The following RIMBP2 variants were observed in gnomAD, a reference collection of about 807,000 sequenced individuals.
RIMBP2 encodes RIMS-binding protein 2.
Under a neutral mutation model 118.6 loss-of-function variants are expected in RIMBP2, and 48 were observed. The observed-to-expected ratio is 0.40, with a 90% CI of 0.32 to 0.51. RIMBP2 has a LOEUF of 0.51. Ranked by LOEUF, RIMBP2 falls within the 20% of genes least tolerant of loss-of-function variation. The pLI is 0.41. For missense variants in RIMBP2, 1,551 were observed against 1,768.3 expected (o/e 0.88, Z 2.20); for synonymous variants, 762 against 742.9 (o/e 1.03, Z -0.42).
intron 2 of RIMBP2, among the ~76,000 whole-genome samples, chr12:130,533,605 G>A (rs1034421859): frequency 1.3e-5 from 2 of 152,150 alleles, no homozygotes; most frequent in African/African-American, 2.4e-5. Context: ...AGACACCTGC[G>A]CTCATGTGTT....
chr12:130,412,893 TAG>T, intron 18 of RIMBP2, 106 bp from the exon 19 acceptor site: 1 of 1,093,360 alleles, frequency 9.1e-7, no homozygotes, highest in Non-Finnish European at 1.3e-6. Flanking sequence ...ATTTTAAATA[TAG>T]TTTAAAAATA....
intron 2 of RIMBP2, among the ~76,000 whole-genome samples, chr12:130,600,723 A>G (rs1365515865): frequency 6.6e-6 from 1 of 152,192 alleles, no homozygotes; most frequent in African/African-American, 2.4e-5. Context: ...AGCTTGTGAT[A>G]AGCCCCCTCA....
intron 10 of RIMBP2, among the ~76,000 whole-genome samples, chr12:130,443,978 C>G (rs568039234): frequency 1.3e-5 from 2 of 152,154 alleles, no homozygotes; most frequent in East Asian, 3.9e-4. Flanking sequence ...TGAGGCACAG[C>G]GAGGTGAAGG....
intron 2 of RIMBP2, among the ~76,000 whole-genome samples, chr12:130,546,584 C>T (rs193212314): frequency 2.8e-4 from 43 of 152,254 alleles, no homozygotes; most frequent in Admixed American, 1.2e-3. Flanking sequence ...GCTGAGCCAC[C>T]GTGCCCAGTC....
At position 130,407,351 on chromosome 12, in the gene RIMBP2, A is replaced by G. The variant is rs144019904; in HGVS notation, c.3693+375T>C. ...TCACTGGTTTCCTCTCTACTGTTCT[A>G]TGTGTGGGGCCTGACTGCTTTGCTT... On this transcript the variant is annotated intron_variant, in intron 20 of 22. Coordinates refer to ENST00000690449, the MANE Select transcript of RIMBP2 (RefSeq NM_001393629.1). Among the ~76,000 whole-genome samples the G allele has an allele frequency of 7.6e-3, 1,164 of 152,220 alleles. 12 individuals carry two copies. Among genetic ancestry groups the G allele is most frequent in the Non-Finnish European group, 0.011 (777 of 68,012 alleles).
intron 2 of RIMBP2, among the ~76,000 whole-genome samples, chr12:130,601,421 T>C (rs1421342703): frequency 1.3e-5 from 2 of 150,560 alleles, no homozygotes; most frequent in Non-Finnish European, 3.0e-5. Flanking sequence ...GCCTCTGGGT[T>C]GTGGTATATC....
At chr12:130,491,614 G>A (rs2048646967) in intron 4 of RIMBP2, among the ~76,000 whole-genome samples, 1 of 152,198 alleles carries the variant, frequency 6.6e-6, no homozygotes, top group Admixed American at 6.5e-5. Flanking sequence ...GCAGCTAGGA[G>A]TCTCTCGGTT....
At chr12:130,649,972 A>G (rs2063159554) in intron 1 of RIMBP2, among the ~76,000 whole-genome samples, 1 of 152,012 alleles carries the variant, frequency 6.6e-6, no homozygotes, top group Non-Finnish European at 1.5e-5. Flanking sequence ...TTCAACAGGA[A>G]CAAGCGGTAC....
chr12:130,707,648 C>A (rs1219295783), intron 1 of RIMBP2, among the ~76,000 whole-genome samples: 2 of 152,110 alleles, frequency 1.3e-5, no homozygotes, highest in African/African-American at 4.8e-5. Flanking sequence ...TGAGCCGTTT[C>A]CAACAGGAGC....
intron 2 of RIMBP2, among the ~76,000 whole-genome samples, chr12:130,606,670 G>A (rs761809541): frequency 1.3e-5 from 2 of 152,092 alleles, no homozygotes; most frequent in African/African-American, 4.8e-5. Context: ...TGGAGCAAGC[G>A]GTAGAGATCA....
intron 2 of RIMBP2, among the ~76,000 whole-genome samples, chr12:130,615,639 A>C (rs1172879491): frequency 6.6e-6 from 1 of 150,696 alleles, no homozygotes; most frequent in African/African-American, 2.4e-5. Context: ...AAACCAACAA[A>C]CCCCCCAAGG....
Position 130,434,662 on chromosome 12 carries a change from CTT to C in RIMBP2, c.2253+70_2253+71del. On this transcript the variant is annotated intron_variant, in intron 14 of 22. Transcript: ENST00000690449. The surrounding 1 kb of genome is among the most constrained non-coding windows in gnomAD (Gnocchi z 5.7). The stretch of plus-strand genomic sequence containing the variant: ...GGTAGCGGGGAAAGTGCCCATGTCT[CTT>C]GATCTCCACGGGGCCCGCTCCGAGC... 1 of 1,495,418 alleles carries C rather than the reference CTT, an allele frequency of 6.7e-7. No homozygotes were observed. The allele number at this position is 1,495,418 out of a possible 1,614,324, so 92.6% of individuals were successfully genotyped here.
rs11287921 is a variant in RIMBP2, at chr12:130,446,019, T to TCCC, written c.582-753_582-751dup. ...GAAAAACAGACGCATGATTTTATGC[T>TCCC]CCCCCCCCCCACACCCCCAGGAATA... On this transcript the variant is annotated intron_variant, in intron 9 of 22. Transcript: ENST00000690449. This position sits in a 1 kb window ranked among gnomAD's most constrained non-coding sequence, Gnocchi z 4.1. 1.4e-3 allele frequency among the ~76,000 whole-genome samples: 153 copies of TCCC among 112,740 alleles called. 2 individuals are homozygous for TCCC. In the South Asian group the frequency reaches 0.022, roughly 16 times the overall value. 74.0% of individuals were successfully genotyped at this position (112,740 alleles called of 152,430 possible). A position where few individuals can be genotyped will look rare whatever the true frequency, so the allele number is the denominator to read the frequency against.
intron 1 of RIMBP2, among the ~76,000 whole-genome samples, chr12:130,689,383 A>G (rs1260966361): frequency 6.6e-6 from 1 of 152,232 alleles, no homozygotes; most frequent in Non-Finnish European, 1.5e-5. Context: ...CAGTGAGCCA[A>G]GATCGCTCCA....
At chr12:130,441,216 C>G (rs2078094187) in intron 11 of RIMBP2, among the ~76,000 whole-genome samples, 1 of 151,990 alleles carries the variant, frequency 6.6e-6, no homozygotes, top group South Asian at 2.1e-4. Context: ...GCCTGACCAA[C>G]ATGGTGAAAC....
At chr12:130,480,952 C>T (rs888470273) in intron 4 of RIMBP2, among the ~76,000 whole-genome samples, 3 of 152,210 alleles carry the variant, frequency 2.0e-5, no homozygotes, top group East Asian at 1.9e-4. Flanking sequence ...CTGTAGCCTT[C>T]GCAAGTCATG....
At chr12:130,700,243 C>T (rs2065792381) in intron 1 of RIMBP2, among the ~76,000 whole-genome samples, 1 of 152,102 alleles carries the variant, frequency 6.6e-6, no homozygotes, top group Admixed American at 6.5e-5. Context: ...GCCCCAGGCC[C>T]GCAACAGCCA....
intron 4 of RIMBP2, among the ~76,000 whole-genome samples, chr12:130,493,060 G>A (rs914817275): frequency 6.6e-5 from 10 of 152,228 alleles, no homozygotes; most frequent in East Asian, 3.9e-4. Context: ...TGGCTTGGGC[G>A]CAGGAGGCGG....
chr12:130,589,484 G>A (rs1291023773), intron 2 of RIMBP2, among the ~76,000 whole-genome samples: 2 of 152,224 alleles, frequency 1.3e-5, no homozygotes, highest in Non-Finnish European at 2.9e-5. Flanking sequence ...AATCTTTGCT[G>A]GAGGATAGGG....
Sources: allele counts gnomAD v4.1 joint callset (sites outside exome capture counted in the v4.1 genomes callset), GRCh38; gene constraint gnomAD v4.1.1; non-coding constraint Gnocchi (gnomAD v3.1); transcripts MANE v1.5; gene names NCBI Gene and HGNC (gene_info 2026-07-23, HGNC 2026-07-21).